The following FHIT variants were observed in gnomAD, a reference collection of about 807,000 sequenced individuals.
FHIT encodes bis(5'-adenosyl)-triphosphatase.
A neutral mutation model predicts 17.9 loss-of-function variants in FHIT; 19 were observed. The observed-to-expected ratio is 1.06, with a 90% CI of 0.74 to 1.56. FHIT has a LOEUF of 1.56. FHIT is among the 40% of genes most tolerant of loss of function. The pLI is 0.00. For missense variants in FHIT, 248 were observed against 189.2 expected (o/e 1.31, Z -1.82); for synonymous variants, 81 against 69.7 (o/e 1.16, Z -0.81).
At chr3:60,894,207 A>T (rs1416035414) in intron 3 of FHIT, among the ~76,000 whole-genome samples, 1 of 152,218 alleles carries the variant, frequency 6.6e-6, no homozygotes. Flanking sequence ...AGTTAACCAC[A>T]TCAAAAAAGG....
intron 8 of FHIT, among the ~76,000 whole-genome samples, chr3:59,785,500 G>C (rs1232605477): frequency 1.3e-5 from 2 of 151,874 alleles, no homozygotes; most frequent in Non-Finnish European, 1.5e-5. Flanking sequence ...TGGTAGACGT[G>C]GGGTTTTACC....
At chr3:60,798,947 G>A (rs1701089698) in intron 4 of FHIT, among the ~76,000 whole-genome samples, 1 of 151,416 alleles carries the variant, frequency 6.6e-6, no homozygotes, top group Admixed American at 6.6e-5. Flanking sequence ...TAGTATAGAT[G>A]GGATTTCACC....
chr3:60,532,947 C>A lies in FHIT; in HGVS notation c.103+3913G>T, dbSNP rs1021557354. 2.8e-4 allele frequency among the ~76,000 whole-genome samples: 40 copies of A among 145,212 alleles called. 1 individual carries two copies. The highest frequency in any genetic ancestry group is 5.5e-4 in the Admixed American group (8 of 14,638). ...TGAATGGCACACTCCCCAAAGGGCACCTGAATGCCATTTTTAAGAAGAAGT... is the reference window on the plus strand; with the variant it reads ...TGAATGGCACACTCCCCAAAGGGCAACTGAATGCCATTTTTAAGAAGAAGT... On this transcript the variant is annotated intron_variant, in intron 5 of 9. Coordinates refer to ENST00000492590, the MANE Select transcript of FHIT (RefSeq NM_002012.4).
chr3:60,898,740 G>C (rs1222161870), intron 3 of FHIT, among the ~76,000 whole-genome samples: 1 of 152,084 alleles, frequency 6.6e-6, no homozygotes, highest in Non-Finnish European at 1.5e-5. Context: ...TTAAAATCCT[G>C]TACAACTTCC....
intron 8 of FHIT, among the ~76,000 whole-genome samples, chr3:59,764,156 A>G (rs1157164772): frequency 6.6e-6 from 1 of 152,142 alleles, no homozygotes; most frequent in Non-Finnish European, 1.5e-5. Flanking sequence ...CCTGCCTATA[A>G]TGAACTTTCC....
chr3:59,947,379 C>G lies in FHIT; in HGVS notation c.280-24965G>C, dbSNP rs79598158. ...GTAATGTCCCCTTTGTCATTTCTAA[C>G]TTTGTTTATTTGAATCTTCTTTTTT... On this transcript the variant is annotated intron_variant, in intron 7 of 9. Coordinates refer to ENST00000492590, the MANE Select transcript of FHIT (RefSeq NM_002012.4). Among the ~76,000 whole-genome samples the G allele has an allele frequency of 0.031, 4,771 of 152,004 alleles. 449 individuals are homozygous for G. In the East Asian group the frequency reaches 0.33, roughly 10 times the overall value.
chr3:60,616,205 A>T (rs894563394), intron 4 of FHIT, among the ~76,000 whole-genome samples: 2 of 152,170 alleles, frequency 1.3e-5, no homozygotes, highest in East Asian at 3.8e-4. Context: ...AGACCTATTT[A>T]CACAACACCT....
intron 3 of FHIT, among the ~76,000 whole-genome samples, chr3:60,881,930 C>A (rs1456280240): frequency 5.9e-5 from 9 of 151,850 alleles, no homozygotes; most frequent in Admixed American, 5.3e-4. Context: ...GAAATTGAGA[C>A]TAAAACTTAC....
At chr3:60,907,806 T>C (rs782678051) in intron 3 of FHIT, among the ~76,000 whole-genome samples, 14 of 152,210 alleles carry the variant, frequency 9.2e-5, no homozygotes, top group Non-Finnish European at 1.8e-4. Flanking sequence ...TTTTGAATGC[T>C]CACTGTTGTC....
intron 4 of FHIT, among the ~76,000 whole-genome samples, chr3:60,729,895 T>G (rs1045508682): frequency 6.6e-6 from 1 of 152,164 alleles, no homozygotes; most frequent in African/African-American, 2.4e-5. Flanking sequence ...CCTAAAAAGG[T>G]GTTTTCTTCC....
chr3:60,423,189 A>T (rs1331213524), intron 5 of FHIT, among the ~76,000 whole-genome samples: 1 of 152,138 alleles, frequency 6.6e-6, no homozygotes, highest in Admixed American at 6.6e-5. Flanking sequence ...GACAGAATTC[A>T]GGTCCTTGAG....
intron 7 of FHIT, among the ~76,000 whole-genome samples, chr3:59,990,682 C>T (rs1709187386): frequency 6.6e-6 from 1 of 151,982 alleles, no homozygotes; most frequent in Non-Finnish European, 1.5e-5. Flanking sequence ...GATAGAGCAA[C>T]ATGAGCAAAG....
intron 4 of FHIT, among the ~76,000 whole-genome samples, chr3:60,544,391 T>C (rs563109693): frequency 6.6e-6 from 1 of 152,212 alleles, no homozygotes; most frequent in Admixed American, 6.5e-5. Context: ...ATGCTTTTCC[T>C]ATATCACTGA....
chr3:60,820,944 G>T (rs145086514), intron 4 of FHIT, among the ~76,000 whole-genome samples: 2 of 148,302 alleles, frequency 1.3e-5, no homozygotes, highest in African/African-American at 4.9e-5. Context: ...TACCAGATTA[G>T]TGCATTGCTC....
At chr3:60,090,162 A>T (rs1703669504) in intron 5 of FHIT, among the ~76,000 whole-genome samples, 1 of 152,128 alleles carries the variant, frequency 6.6e-6, no homozygotes, top group South Asian at 2.1e-4. Context: ...TCAATGGTCT[A>T]CATGACAATG....
chr3:59,927,169 G>A (rs1268262155), intron 7 of FHIT, among the ~76,000 whole-genome samples: 1 of 152,162 alleles, frequency 6.6e-6, no homozygotes, highest in Non-Finnish European at 1.5e-5. Context: ...CTGAGTGAAA[G>A]CATCATGCTC....
chr3:59,883,582 G>C (rs748528573), intron 8 of FHIT, among the ~76,000 whole-genome samples: 1 of 152,208 alleles, frequency 6.6e-6, no homozygotes, highest in Non-Finnish European at 1.5e-5. Flanking sequence ...CAACACATGA[G>C]AATCATGGGA....
intron 3 of FHIT, among the ~76,000 whole-genome samples, chr3:60,929,108 C>CA (rs1453168384): frequency 1.5e-4 from 23 of 152,242 alleles, no homozygotes; most frequent in African/African-American, 5.5e-4. Context: ...GAACCAACGA[C>CA]AAAACCACAT....
intron 1 of FHIT, among the ~76,000 whole-genome samples, chr3:61,227,904 G>C (rs1037489786): frequency 6.6e-6 from 1 of 152,098 alleles, no homozygotes; most frequent in Non-Finnish European, 1.5e-5. Context: ...GCAAAACTGA[G>C]GGTTGAATTT....
Sources: gnomAD v4.1 joint callset for allele counts (sites outside exome capture counted in the v4.1 genomes callset) on GRCh38, gnomAD v4.1.1 for gene constraint, MANE v1.5 for transcripts, NCBI Gene and HGNC (gene_info 2026-07-23, HGNC 2026-07-21) for gene names.